COPA: variants seen among roughly 807,000 people sequenced by gnomAD.
COPA encodes the protein coatomer subunit alpha.
In COPA, 10 loss-of-function variants were observed where a neutral mutation model predicts 158.7. The observed-to-expected ratio is 0.06, with a 90% CI of 0.04 to 0.11. COPA has a LOEUF of 0.11. Ranked by LOEUF, COPA falls within the 10% of genes least tolerant of loss-of-function variation. The pLI, the probability that COPA is intolerant of heterozygous loss-of-function variation, is 1.00. For missense variants in COPA, 1,065 were observed against 1,536.7 expected (o/e 0.69, Z 5.13); for synonymous variants, 462 against 542.8 (o/e 0.85, Z 2.07).
chr1:160,291,620 G>A, intron 30 of COPA, 124 bp from the exon 31 acceptor site: 2 of 1,247,982 alleles, frequency 1.6e-6, no homozygotes, highest in Non-Finnish European at 2.2e-6. Context: ...AAAGCTGAGA[G>A]GTCTTCTACC....
At chr1:160,325,911 T>G (rs1457627911) in intron 6 of COPA, among the ~76,000 whole-genome samples, 1 of 152,224 alleles carries the variant, frequency 6.6e-6, no homozygotes, top group African/African-American at 2.4e-5. Flanking sequence ...GTAACCCAAA[T>G]TTCTGGCACA....
intron 9 of COPA, 85 bp from the exon 10 acceptor site, chr1:160,313,252 G>T: frequency 8.3e-7 from 1 of 1,206,332 alleles, no homozygotes; most frequent in Non-Finnish European, 1.2e-6. Context: ...TGGTAAGCCA[G>T]CAAGCTGATT....
intron 5 of COPA, 139 bp from the exon 6 acceptor site, chr1:160,332,696 C>G (rs1647587308): frequency 1.9e-6 from 1 of 518,468 alleles, no homozygotes; most frequent in South Asian, 3.2e-5. Context: ...CCTACCAATT[C>G]TGAACTAATA....
rs1009906089 is a variant in COPA at position 160,321,830 on chromosome 1, G to GA, written c.706+1600dup. On this transcript the variant is annotated intron_variant, in intron 8 of 32. Transcript: ENST00000241704. ...TATATATGCCAATAGTGAATAATCT[G>GA]AAAAAAAATCAAGAAATCCCATTTA... is the stretch of plus-strand genomic sequence containing the variant. Among the ~76,000 whole-genome samples the GA allele has an allele frequency of 5.9e-5, 9 of 151,306 alleles. No homozygotes were observed. In the East Asian group the frequency reaches 1.4e-3, roughly 23 times the overall value.
At chr1:160,293,742 T>C (rs1220213878) in intron 25 of COPA, among the ~76,000 whole-genome samples, 1 of 152,126 alleles carries the variant, frequency 6.6e-6, no homozygotes, top group Non-Finnish European at 1.5e-5. Context: ...GTGATCTGCC[T>C]GGCTCAGCCT....
At chr1:160,297,232 A>G (rs1189797370) in intron 21 of COPA, 111 bp downstream of exon 21, 2 of 973,612 alleles carry the variant, frequency 2.1e-6, no homozygotes, top group South Asian at 1.5e-5. Flanking sequence ...TCTCTCCTAA[A>G]AAAATGCACA....
In COPA at chr1:160,290,563, C is replaced by T. The variant is rs778132219; in HGVS notation, c.3544G>A (p.Val1182Ile). The T allele has an allele frequency of 1.2e-6, 2 of 1,614,238 alleles. No homozygotes were observed. The highest frequency in any genetic ancestry group is 1.1e-5 in the South Asian group (1 of 91,090). Residue 1182 changes from valine to isoleucine, a missense_variant, in exon 32 of 33, where the codon GTA becomes ATA. Val to Ile is a conservative substitution (Grantham distance 29). This residue lies in a region of COPA where 980 missense variants were observed against 1,357.8 expected (regional missense o/e 0.72). Transcript: ENST00000241704. The stretch of plus-strand genomic sequence containing the variant: ...GCCCCACTGAGTGGACACTTTTCTA[C>T]TGGCTTTCCACGGTAGATGGGCCGA... ...SYRPIYRGKP[V>I]EKCPLSGACY...
At chr1:160,329,956 C>T (rs998265368) in intron 6 of COPA, among the ~76,000 whole-genome samples, 5 of 151,976 alleles carry the variant, frequency 3.3e-5, no homozygotes, top group African/African-American at 1.2e-4. Context: ...CTACTAAAAA[C>T]ACACAAAAAT....
At position 160,309,115 on chromosome 1, in the gene COPA, G is replaced by A. The variant is rs200604416; in HGVS notation, c.1205C>T (p.Ser402Phe). 74 of 1,613,468 alleles carry A rather than the reference G, an allele frequency of 4.6e-5. No individual in the cohort carries two copies. Among genetic ancestry groups the A allele is most frequent in the Admixed American group, 8.3e-5 (5 of 59,994 alleles). Residue 402 changes from serine (S) to phenylalanine (F), a missense_variant, in exon 13 of 33, where the codon TCC becomes TTC. By Grantham distance (155) the Ser-to-Phe change is radical (BLOSUM62 -2). Around this residue, in one of 2 missense-constraint regions of COPA, gnomAD observed 980 missense variants for 1,357.8 expected, o/e 0.72. Coordinates refer to ENST00000241704, the MANE Select transcript of COPA (RefSeq NM_004371.4). ...DLYTIPKDADSQNPDAPEGKR... is the reference protein window; with the variant it reads ...DLYTIPKDADFQNPDAPEGKR... Reference sequence around the variant, plus strand: ...AGAACACTTACCATCAGGATTCTGGGAGTCAGCATCTTTAGGGATGGTGTA... The same window carrying A: ...AGAACACTTACCATCAGGATTCTGGAAGTCAGCATCTTTAGGGATGGTGTA...
At position 160,311,986 on chromosome 1, in the gene COPA, C is replaced by G. The variant is rs1339367807; in HGVS notation, c.958G>C (p.Glu320Gln). Reference sequence around the variant, plus strand: ...ACAGCATAGGCTGGCCGTTCCCGTTCCAGCTTAAACACAATCATACCACCA... The same window carrying G: ...ACAGCATAGGCTGGCCGTTCCCGTTGCAGCTTAAACACAATCATACCACCA... ...HDGGMIVFKL[E>Q]RERPAYAVHG... Residue 320 changes from glutamate to glutamine, a missense_variant, in exon 11 of 33, where the codon GAA (glutamate) becomes CAA (glutamine). Transcript: ENST00000241704. The G allele has an allele frequency of 6.2e-7, 1 of 1,613,678 alleles. No homozygotes were observed. Among genetic ancestry groups the G allele is most frequent in the Non-Finnish European group, 8.5e-7 (1 of 1,179,872 alleles).
At position 160,296,150 on chromosome 1, in the gene COPA, CTG is replaced by C. The variant is rs1658404591; in HGVS notation, c.2264-3_2264-2del. ...GCAGCTGTGAGATAGGCCAGGGACT[CTG>C]TAGAGAAAACAGACTTTGTGGTATA... On this transcript the variant is annotated splice_acceptor_variant and splice_polypyrimidine_tract_variant and intron_variant, in intron 21 of 32. Transcript: ENST00000241704. LOFTEE classifies it high-confidence loss of function. 1 of 1,614,028 alleles carries C rather than the reference CTG, an allele frequency of 6.2e-7. No individual in the cohort carries two copies. Among genetic ancestry groups the C allele is most frequent in the African/African-American group, 1.3e-5 (1 of 75,050 alleles).
At position 160,291,856 on chromosome 1, in the gene COPA, G is replaced by A; in HGVS notation, c.3221C>T (p.Pro1074Leu). ...CTTCTGCTGTTCTAGAGTCTCTTTG[G>A]GCAGCTTCTTCCTTTCTGTCTCCAC... ...LSVETERKKL[P>L]KETLEQQKRI... The change falls in exon 30 of 33, where the codon CCC becomes CTC. Residue 1074 changes from proline (P) to leucine (L), a missense_variant. Transcript: ENST00000241704. The A allele has an allele frequency of 6.2e-7, 1 of 1,614,036 alleles. No homozygotes were observed. The highest frequency in any genetic ancestry group is 8.5e-7 in the Non-Finnish European group (1 of 1,180,018).
Position 160,293,188 on chromosome 1 carries a change from C to G in COPA, c.2801G>C (p.Gly934Ala). The G allele has an allele frequency of 6.2e-7, 1 of 1,614,174 alleles. No homozygotes were observed. The highest frequency in any genetic ancestry group is 8.5e-7 in the Non-Finnish European group (1 of 1,180,028). ...TACCCGCATGGCTGTTTCGAAAGAGCCTGCCAGGATGTGATCAACTGGAAG... is the reference window on the plus strand; with the variant it reads ...TACCCGCATGGCTGTTTCGAAAGAGGCTGCCAGGATGTGATCAACTGGAAG... ...SQLPVDHILAGSFETAMRLLH... is the reference protein window; with the variant it reads ...SQLPVDHILAASFETAMRLLH... Residue 934 changes from glycine (G) to alanine (A), a missense_variant, in exon 27 of 33, where the codon GGC becomes GCC. Physicochemically the swap from Gly to Ala is moderately conservative, Grantham distance 60. Transcript: ENST00000241704.
chr1:160,296,569 T>TA (rs1571151502), intron 21 of COPA, among the ~76,000 whole-genome samples: 1 of 152,334 alleles, frequency 6.6e-6, no homozygotes, highest in Middle Eastern at 3.4e-3. Flanking sequence ...AGTCTTCAGA[T>TA]ATCTGCAGTT....
intron 2 of COPA, 31 bp downstream of exon 2, chr1:160,340,150 C>G: frequency 1.3e-6 from 2 of 1,532,950 alleles, no homozygotes; most frequent in Non-Finnish European, 1.8e-6. Context: ...AATACTTATA[C>G]TCCTTTAACT....
Position 160,297,728 on chromosome 1 carries a change from G to C in COPA, c.1995C>G (p.Ala665=). 1 of 1,613,936 alleles carries C rather than the reference G, an allele frequency of 6.2e-7. No homozygotes were observed. The highest frequency in any genetic ancestry group is 1.1e-5 in the South Asian group (1 of 91,062). ...CGNIEIALEA[A]KALDDKNCWE... ...AGCAGTTCTTGTCATCCAGTGCTTT[G>C]GCTGCTTCCAGAGCAATCTAAAGAA... is the stretch of plus-strand genomic sequence containing the variant. The change falls in exon 20 of 33, where the codon GCC becomes GCG. Residue 665 remains alanine (A), a synonymous_variant. Transcript: ENST00000241704.
chr1:160,295,967 A>T, intron 22 of COPA, 94 bp downstream of exon 22: 1 of 1,577,614 alleles, frequency 6.3e-7, no homozygotes, highest in Non-Finnish European at 8.7e-7. Flanking sequence ...TCTCCTGGTA[A>T]CCAGGTGGGA....
At chr1:160,332,990 T>C (rs1324402089) in intron 5 of COPA, among the ~76,000 whole-genome samples, 1 of 152,218 alleles carries the variant, frequency 6.6e-6, no homozygotes, top group Non-Finnish European at 1.5e-5. Context: ...AGTGGCGCAA[T>C]CTTGGCTCAC....
chr1:160,292,921 T>C (rs564751658), intron 27 of COPA, among the ~76,000 whole-genome samples: 9 of 152,276 alleles, frequency 5.9e-5, no homozygotes, highest in South Asian at 2.1e-4. Flanking sequence ...CTCACTGATA[T>C]GAGCCAGAAA....
Sources: allele counts gnomAD v4.1 joint callset (sites outside exome capture counted in the v4.1 genomes callset), GRCh38; gene constraint gnomAD v4.1.1; regional missense constraint gnomAD v4.1.1; transcripts MANE v1.5; gene names NCBI Gene and HGNC (gene_info 2026-07-23, HGNC 2026-07-21).